HTR2C: variants seen among roughly 807,000 people sequenced by gnomAD.
The protein encoded by HTR2C is 5-hydroxytryptamine receptor 2C, also known as 5-hydroxytryptamine (serotonin) receptor 2C, G protein-coupled.
A neutral mutation model predicts 21.0 loss-of-function variants in HTR2C; 5 were observed. The observed-to-expected ratio is 0.24, with a 90% CI of 0.12 to 0.50. HTR2C has a LOEUF of 0.50. HTR2C is among the 20% of genes least tolerant of loss of function. The pLI, the probability that HTR2C is intolerant of heterozygous loss-of-function variation, is 0.98. For synonymous variants in HTR2C, 150 were observed against 145.3 expected (o/e 1.03, Z -0.23); for missense variants, 271 against 371.2 (o/e 0.73, Z 2.22).
intron 4 of HTR2C, among the ~76,000 whole-genome samples, chrX:114,806,541 C>A (rs2070444565): frequency 1.4e-5 from 1 of 73,217 alleles, no homozygotes; most frequent in African/African-American, 5.2e-5. Context: ...ATATATATAC[C>A]GTATATATAC....
chrX:114,706,334 T>C (rs1192740923), intron 2 of HTR2C, among the ~76,000 whole-genome samples: 6 of 71,362 alleles, frequency 8.4e-5, no homozygotes, highest in East Asian at 5.0e-4. Flanking sequence ...ATAGACTGGA[T>C]TAAGAAAATG....
At chrX:114,837,296 G>A in intron 4 of HTR2C, among the ~76,000 whole-genome samples, 1 of 111,927 alleles carries the variant, frequency 8.9e-6, no homozygotes, top group Non-Finnish European at 1.9e-5. Flanking sequence ...GATATCACAA[G>A]TAAATACATT....
At chrX:114,889,665 TC>T (rs782769405) in intron 5 of HTR2C, among the ~76,000 whole-genome samples, 3 of 112,287 alleles carry the variant, frequency 2.7e-5, no homozygotes, top group Admixed American at 1.9e-4. Flanking sequence ...GAAATGCTCC[TC>T]AGGGAGAAGT....
intron 2 of HTR2C, among the ~76,000 whole-genome samples, chrX:114,706,872 G>A (rs1556418272): frequency 9.0e-6 from 1 of 110,628 alleles, no homozygotes; most frequent in Non-Finnish European, 1.9e-5. Flanking sequence ...ATCCAGTCAA[G>A]AAAAAAGTAG....
intron 4 of HTR2C, among the ~76,000 whole-genome samples, chrX:114,810,269 T>C (rs782155917): frequency 6.3e-5 from 7 of 111,366 alleles, no homozygotes; most frequent in Non-Finnish European, 9.4e-5. Flanking sequence ...AAACATTCCC[T>C]TGGCCACGCC....
intron 2 of HTR2C, among the ~76,000 whole-genome samples, chrX:114,669,827 T>G: frequency 8.9e-6 from 1 of 112,824 alleles, no homozygotes; most frequent in Non-Finnish European, 1.9e-5. Flanking sequence ...TGTATGCATT[T>G]TTCACTGTCT....
chrX:114,887,986 C>T (rs782597553), intron 5 of HTR2C, among the ~76,000 whole-genome samples: 101 of 110,795 alleles, frequency 9.1e-4, no homozygotes, highest in African/African-American at 3.1e-3. Context: ...TGCACTCCAG[C>T]CTGGGCGACA....
At chrX:114,740,282 T>C (rs2069632209) in intron 4 of HTR2C, among the ~76,000 whole-genome samples, 1 of 109,853 alleles carries the variant, frequency 9.1e-6, no homozygotes, top group Non-Finnish European at 1.9e-5. Flanking sequence ...TTTTTTAACC[T>C]ATCAGATTGG....
intron 2 of HTR2C, among the ~76,000 whole-genome samples, chrX:114,683,833 A>G (rs1324010047): frequency 1.8e-5 from 2 of 111,840 alleles, no homozygotes; most frequent in Non-Finnish European, 3.8e-5. Context: ...AAGAAGAATC[A>G]TTTAGGAATT....
intron 2 of HTR2C, among the ~76,000 whole-genome samples, chrX:114,661,988 A>G (rs1931004748): frequency 8.9e-6 from 1 of 112,059 alleles, no homozygotes; most frequent in Non-Finnish European, 1.9e-5. Flanking sequence ...AACATGTGCA[A>G]TACATTTGTA....
intron 2 of HTR2C, among the ~76,000 whole-genome samples, chrX:114,713,614 A>G (rs1406710372): frequency 9.0e-5 from 10 of 111,496 alleles, no homozygotes; most frequent in Non-Finnish European, 1.9e-4. Context: ...GAAGCATCTG[A>G]TGTTTCATAA....
At chrX:114,642,889 C>T (rs1259687024) in intron 2 of HTR2C, among the ~76,000 whole-genome samples, 1 of 111,466 alleles carries the variant, frequency 9.0e-6, no homozygotes, top group Non-Finnish European at 1.9e-5. Context: ...TAATTGTTTT[C>T]TTGTTAACAA....
intron 2 of HTR2C, among the ~76,000 whole-genome samples, chrX:114,685,713 A>G (rs188678059): frequency 9.0e-6 from 1 of 111,718 alleles, no homozygotes; most frequent in Admixed American, 9.6e-5. Flanking sequence ...GGATTATCAT[A>G]AAGTCATAGC....
At chrX:114,591,037 A>G (rs1556391007) in intron 1 of HTR2C, among the ~76,000 whole-genome samples, 1 of 112,007 alleles carries the variant, frequency 8.9e-6, no homozygotes, top group Non-Finnish European at 1.9e-5. Flanking sequence ...AGGAAATCAG[A>G]CATTAGTATT....
At chrX:114,614,435 TTTTTAGTAGAGACA>T (rs1265294650) in intron 2 of HTR2C, among the ~76,000 whole-genome samples, 1 of 109,944 alleles carries the variant, frequency 9.1e-6, no homozygotes, top group African/African-American at 3.3e-5. Flanking sequence ...AATTTTTGTA[TTTTTAGTAGAGACA>T]GGGTTTCACC....
intron 4 of HTR2C, among the ~76,000 whole-genome samples, chrX:114,764,552 A>G (rs955384683): frequency 4.8e-4 from 54 of 112,306 alleles, no homozygotes; most frequent in African/African-American, 1.7e-3. Context: ...ACAGGCAGAT[A>G]GGCAGCACTG....
chrX:114,862,393 T>C (rs2071013207), intron 5 of HTR2C, among the ~76,000 whole-genome samples: 1 of 110,706 alleles, frequency 9.0e-6, no homozygotes, highest in Non-Finnish European at 1.9e-5. Flanking sequence ...AGTTTTGTAA[T>C]ACTATCTTAA....
At chrX:114,830,090 A>G (rs1405851533) in intron 4 of HTR2C, among the ~76,000 whole-genome samples, 6 of 111,994 alleles carry the variant, frequency 5.4e-5, no homozygotes, top group African/African-American at 1.9e-4. Context: ...ACAATATTAA[A>G]TGTTCCAATC....
chrX:114,871,347 A>T (rs1556476478), intron 5 of HTR2C, among the ~76,000 whole-genome samples: 1 of 112,028 alleles, frequency 8.9e-6, no homozygotes, highest in Non-Finnish European at 1.9e-5. Flanking sequence ...TAAAATATGC[A>T]CTGTCCTTGA....
Sources: gnomAD v4.1 joint callset for allele counts (sites outside exome capture counted in the v4.1 genomes callset) on GRCh38, gnomAD v4.1.1 for gene constraint, MANE v1.5 for transcripts, NCBI Gene and HGNC (gene_info 2026-07-23, HGNC 2026-07-21) for gene names.